The following ABCA1 variants were observed in gnomAD, a reference collection of about 807,000 sequenced individuals.
The protein encoded by ABCA1 is ATP binding cassette subfamily A member 1.
Under a neutral mutation model 262.5 loss-of-function variants are expected in ABCA1, and 133 were observed. The observed-to-expected ratio is 0.51, with a 90% CI of 0.44 to 0.59. The LOEUF is 0.59. ABCA1 is among the 20% of genes least tolerant of loss of function. The probability of loss-of-function intolerance (pLI) is 0.00; values close to 1 mark genes in which losing one functional copy is unlikely to be tolerated. For missense variants in ABCA1, 2,452 were observed against 2,777.5 expected (o/e 0.88, Z 2.63); for synonymous variants, 1,022 against 1,043.5 (o/e 0.98, Z 0.40).
intron 7 of ABCA1, 141 bp downstream of exon 7, chr9:104,858,381 G>T (rs1334389606): frequency 3.9e-5 from 36 of 921,786 alleles, no homozygotes; most frequent in Non-Finnish European, 6.3e-5. Flanking sequence ...AGAACACTTA[G>T]AATACCACTG....
At position 104,823,670 on chromosome 9, in the gene ABCA1, G is replaced by A. The variant is rs1334330123; in HGVS notation, c.2656+795C>T. 3.3e-5 allele frequency among the ~76,000 whole-genome samples: 5 copies of A among 152,156 alleles called. No individual in the cohort carries two copies. In the East Asian group the frequency reaches 7.7e-4, roughly 23 times the overall value. The stretch of plus-strand genomic sequence containing the variant: ...GTTGAGAAGATAGGCAAGTTAGAGA[G>A]AAAGTTCTCCTGTGAGAGCAAACAG... On this transcript the variant is annotated intron_variant, in intron 18 of 49. Transcript: ENST00000374736.
chr9:104,888,654 G>A (rs1839434454), intron 3 of ABCA1, among the ~76,000 whole-genome samples: 1 of 152,092 alleles, frequency 6.6e-6, no homozygotes, highest in South Asian at 2.1e-4. Context: ...TCTATTCAAG[G>A]TTGTTATGAG....
intron 1 of ABCA1, among the ~76,000 whole-genome samples, chr9:104,905,827 G>A (rs1191030955): frequency 6.6e-6 from 1 of 152,134 alleles, no homozygotes. Context: ...AATCCCCAAG[G>A]TAACAATGAG....
At chr9:104,903,869 C>G in intron 1 of ABCA1, 98 bp from the exon 2 acceptor site, 1 of 637,078 alleles carries the variant, frequency 1.6e-6, no homozygotes, top group Non-Finnish European at 2.8e-6. Context: ...CTGAGACCTC[C>G]AACACACAGC....
intron 28 of ABCA1, 141 bp from the exon 29 acceptor site, chr9:104,811,065 T>A: frequency 7.9e-7 from 1 of 1,265,526 alleles, no homozygotes; most frequent in Non-Finnish European, 1.1e-6. Flanking sequence ...GGCCTATGAC[T>A]GTGCTGCACC....
At chr9:104,801,764 G>A (rs1830360347) in intron 34 of ABCA1, among the ~76,000 whole-genome samples, 1 of 152,000 alleles carries the variant, frequency 6.6e-6, no homozygotes, top group Non-Finnish European at 1.5e-5. Context: ...GGCTGGTCTC[G>A]AACTCCTGAC....
intron 48 of ABCA1, 101 bp downstream of exon 48, chr9:104,786,197 T>G: frequency 9.7e-7 from 1 of 1,026,704 alleles, no homozygotes. Context: ...TTTGCTCAGT[T>G]TTATTTCCCT....
At chr9:104,855,899 C>G (rs375166846) in intron 7 of ABCA1, 2 of 1,612,874 alleles carry the variant, frequency 1.2e-6, no homozygotes, top group Middle Eastern at 1.6e-4. Context: ...GAAACACTCA[C>G]GCACACACAA....
intron 5 of ABCA1, among the ~76,000 whole-genome samples, chr9:104,879,876 G>A (rs1838477124): frequency 6.6e-6 from 1 of 152,172 alleles, no homozygotes; most frequent in African/African-American, 2.4e-5. Context: ...CACAACCAGA[G>A]GAGAGGCAGA....
chr9:104,924,751 G>C (rs1842334958), intron 1 of ABCA1, among the ~76,000 whole-genome samples: 1 of 151,850 alleles, frequency 6.6e-6, no homozygotes, highest in South Asian at 2.1e-4. Context: ...ACTTATTCTA[G>C]CAGCTAAAAA....
At chr9:104,847,240 G>A (rs1459658225) in intron 7 of ABCA1, among the ~76,000 whole-genome samples, 4 of 152,156 alleles carry the variant, frequency 2.6e-5, no homozygotes, top group South Asian at 2.1e-4. Flanking sequence ...ACTCTCCCCC[G>A]CCACCCTGTG....
At chr9:104,788,315 G>T in intron 45 of ABCA1, 111 bp downstream of exon 45, 1 of 1,479,962 alleles carries the variant, frequency 6.8e-7, no homozygotes, top group Non-Finnish European at 9.4e-7. Context: ...ATTTTGTGCT[G>T]CTGCATTCAT....
chr9:104,795,269 A>T (rs539039369), intron 39 of ABCA1, among the ~76,000 whole-genome samples: 5 of 152,334 alleles, frequency 3.3e-5, no homozygotes, highest in Admixed American at 1.3e-4. Flanking sequence ...GAGGCAACTC[A>T]TCTGAAGCTT....
intron 18 of ABCA1, 68 bp from the exon 19 acceptor site, chr9:104,822,735 G>A (rs3818689): frequency 1.9e-6 from 3 of 1,580,394 alleles, no homozygotes; most frequent in African/African-American, 2.7e-5. Context: ...AAGGACACAG[G>A]GCACTGCGCT....
At position 104,810,782 on chromosome 9, in the gene ABCA1, T is replaced by C. The variant is rs778838803; in HGVS notation, c.4175+18A>G. On this transcript the variant is annotated intron_variant, in intron 29 of 49. Transcript: ENST00000374736. ...GCTCGAATCTTACCCCCTCCTGGGA[T>C]GTAGAAGACAAACATACCTGACAAA... is the stretch of plus-strand genomic sequence containing the variant. The C allele has an allele frequency of 1.5e-5, 25 of 1,614,086 alleles. No individual in the cohort carries two copies. The highest frequency in any genetic ancestry group is 1.8e-5 in the Non-Finnish European group (21 of 1,180,034).
intron 5 of ABCA1, among the ~76,000 whole-genome samples, chr9:104,878,840 C>T (rs1838375031): frequency 6.6e-6 from 1 of 152,142 alleles, no homozygotes; most frequent in South Asian, 2.1e-4. Context: ...ATCTACAAAT[C>T]ACCTGTGTAT....
chr9:104,895,735 T>C (rs1840144919), intron 2 of ABCA1, among the ~76,000 whole-genome samples: 1 of 152,186 alleles, frequency 6.6e-6, no homozygotes, highest in African/African-American at 2.4e-5. Flanking sequence ...TGCCTGACTT[T>C]TGCTGCTGGC....
chr9:104,809,015 T>A (rs1157370942), intron 30 of ABCA1, among the ~76,000 whole-genome samples: 1 of 152,204 alleles, frequency 6.6e-6, no homozygotes, highest in Non-Finnish European at 1.5e-5. Flanking sequence ...AAATATACAA[T>A]TTGAGAAGAA....
intron 44 of ABCA1, among the ~76,000 whole-genome samples, chr9:104,789,321 T>C (rs1259361154): frequency 6.6e-6 from 1 of 152,216 alleles, no homozygotes; most frequent in Non-Finnish European, 1.5e-5. Context: ...TTACTGCCAC[T>C]GCTATATGCG....
Sources: allele counts gnomAD v4.1 joint callset (sites outside exome capture counted in the v4.1 genomes callset), GRCh38; gene constraint gnomAD v4.1.1; transcripts MANE v1.5; gene names NCBI Gene and HGNC (gene_info 2026-07-23, HGNC 2026-07-21).